The following FGD4 variants were observed in gnomAD, a reference collection of about 807,000 sequenced individuals.
The protein encoded by FGD4 is FYVE, RhoGEF and PH domain-containing protein 4.
Under a neutral mutation model 102.0 loss-of-function variants are expected in FGD4, and 42 were observed. That is an observed-to-expected ratio of 0.41 (90% CI 0.32 to 0.53). The LOEUF (loss-of-function observed/expected upper bound fraction) is 0.53. Among genes scored for constraint, FGD4 ranks in the 20% least tolerant of loss-of-function variants. FGD4 has a pLI of 0.21. For synonymous variants in FGD4, 380 were observed against 375.7 expected (o/e 1.01, Z -0.13); for missense variants, 902 against 1,078.2 (o/e 0.84, Z 2.29).
intron 1 of FGD4, among the ~76,000 whole-genome samples, chr12:32,552,808 G>A (rs898705118): frequency 2.1e-4 from 31 of 148,586 alleles, no homozygotes; most frequent in Non-Finnish European, 3.3e-4. Context: ...ACAGAGTTTC[G>A]CTCTTGTTGC....
Position 32,408,547 on chromosome 12 carries a change from C to T in FGD4, c.166+8588C>T, listed in dbSNP as rs2136390499. ...TGAATTCCTAGCTTCAAGTGATCCA[C>T]CTGCCTCGACCTCACCATCCTAGAT... On this transcript the variant is annotated intron_variant, in intron 1 of 16. Coordinates refer to ENST00000534526, the MANE Select transcript of FGD4 (RefSeq NM_001370298.3). 1.3e-5 allele frequency among the ~76,000 whole-genome samples: 2 copies of T among 152,236 alleles called. 1 individual carries two copies. Among genetic ancestry groups the T allele is most frequent in the South Asian group, 4.2e-4 (2 of 4,816 alleles).
chr12:32,516,106 A>G (rs1328986066), intron 1 of FGD4, among the ~76,000 whole-genome samples: 1 of 147,742 alleles, frequency 6.8e-6, no homozygotes, highest in African/African-American at 2.5e-5. Context: ...AACAACAACA[A>G]TTGGGGGGTG....
chr12:32,402,301 A>C (rs1297018020), intron 1 of FGD4, among the ~76,000 whole-genome samples: 1 of 151,370 alleles, frequency 6.6e-6, no homozygotes, highest in African/African-American at 2.4e-5. Flanking sequence ...TGTGGACTGA[A>C]GTGGGAGGAT....
At chr12:32,481,157 A>AAAAAG (rs1565767387) in intron 1 of FGD4, among the ~76,000 whole-genome samples, 1 of 148,006 alleles carries the variant, frequency 6.8e-6, no homozygotes, top group Non-Finnish European at 1.5e-5. Context: ...AAAAAAAAAA[A>AAAAAG]GCCGGGCGCA....
At chr12:32,422,023 A>G (rs1941645228) in intron 1 of FGD4, among the ~76,000 whole-genome samples, 1 of 151,486 alleles carries the variant, frequency 6.6e-6, no homozygotes, top group African/African-American at 2.4e-5. Flanking sequence ...GGGCACCTGT[A>G]GTCCCAGCTA....
At chr12:32,599,719 T>C (rs1948241923) in intron 5 of FGD4, among the ~76,000 whole-genome samples, 1 of 150,264 alleles carries the variant, frequency 6.7e-6, no homozygotes, top group South Asian at 2.1e-4. Flanking sequence ...CGGCTAATTT[T>C]TTCTGTCTTT....
intron 1 of FGD4, among the ~76,000 whole-genome samples, chr12:32,422,966 A>T (rs1941696234): frequency 6.6e-6 from 1 of 152,154 alleles, no homozygotes; most frequent in African/African-American, 2.4e-5. Flanking sequence ...TACTTTCTCC[A>T]AGTTCACATG....
chr12:32,619,924 T>C (rs1484387947), intron 11 of FGD4, 54 bp downstream of exon 11: 1 of 1,594,800 alleles, frequency 6.3e-7, no homozygotes, highest in Non-Finnish European at 8.6e-7. Flanking sequence ...ACAGAATGAA[T>C]CATTAAAATA....
chr12:32,639,659 C>T (rs1445636831), intron 16 of FGD4, among the ~76,000 whole-genome samples: 6 of 152,150 alleles, frequency 3.9e-5, no homozygotes, highest in African/African-American at 1.4e-4. Flanking sequence ...ACAAGAGCAG[C>T]ACCAGGTCCT....
At chr12:32,491,468 G>A (rs945112558) in intron 1 of FGD4, among the ~76,000 whole-genome samples, 15 of 152,192 alleles carry the variant, frequency 9.9e-5, no homozygotes, top group African/African-American at 3.4e-4. Context: ...TTGATTGTAT[G>A]ACATGGTACC....
chr12:32,416,349 A>G (rs560672460), intron 1 of FGD4, among the ~76,000 whole-genome samples: 23 of 152,246 alleles, frequency 1.5e-4, no homozygotes, highest in African/African-American at 5.5e-4. Flanking sequence ...AATCAGTGTT[A>G]TTATTGGTAG....
At chr12:32,410,006 C>CAA (rs35504493) in intron 1 of FGD4, among the ~76,000 whole-genome samples, 7 of 108,916 alleles carry the variant, frequency 6.4e-5, no homozygotes, top group African/African-American at 1.0e-4. Flanking sequence ...TCTTGTCTCT[C>CAA]AAAAAAAAAA....
chr12:32,621,116 T>G (rs1455308418), intron 11 of FGD4, among the ~76,000 whole-genome samples: 1 of 151,970 alleles, frequency 6.6e-6, no homozygotes, highest in African/African-American at 2.4e-5. Context: ...GGCTCACACC[T>G]GTAATCCCAA....
chr12:32,412,899 A>ATTTTTTTTTTTTTTTTTTTTT (rs869107334), intron 1 of FGD4, among the ~76,000 whole-genome samples: 1 of 87,020 alleles, frequency 1.1e-5, no homozygotes. Context: ...TTTTCTAGAA[A>ATTTTTTTTTTTTTTTTTTTTT]TTTTTTTTTT....
At chr12:32,466,206 C>T (rs993177211) in intron 1 of FGD4, among the ~76,000 whole-genome samples, 14 of 152,210 alleles carry the variant, frequency 9.2e-5, no homozygotes, top group African/African-American at 1.9e-4. Flanking sequence ...AAAAAGTTTG[C>T]GACTAGCTTT....
In FGD4 at chr12:32,576,363, G is replaced by A. The variant is rs1946127489; in HGVS notation, c.417G>A (p.Glu139=). The A allele has an allele frequency of 6.2e-7, 1 of 1,614,140 alleles. No homozygotes were observed. The highest frequency in any genetic ancestry group is 8.5e-7 in the Non-Finnish European group (1 of 1,180,038). The change falls in exon 3 of 17, where the codon GAG becomes GAA. Residue 139 remains glutamate (E), a synonymous_variant. Coordinates refer to ENST00000534526, the MANE Select transcript of FGD4 (RefSeq NM_001370298.3). ...KALPSAKPRM[E]EIKPASASCV... ...TACCTAGTGCAAAACCAAGGATGGA[G>A]GAAATTAAACCTGCCTCTGCTTCTT...
intron 1 of FGD4, among the ~76,000 whole-genome samples, chr12:32,408,036 G>A (rs1274189304): frequency 1.3e-5 from 2 of 151,118 alleles, no homozygotes; most frequent in African/African-American, 4.9e-5. Context: ...GCCTTGCTTT[G>A]TCGCCCAGGC....
Position 32,399,741 on chromosome 12 carries a change from C to T in FGD4, c.-53C>T, listed in dbSNP as rs1940567258. 1 of 1,515,206 alleles carries T rather than the reference C, an allele frequency of 6.6e-7. No individual in the cohort carries two copies. The highest frequency in any genetic ancestry group is 8.8e-7 in the Non-Finnish European group (1 of 1,139,386). The allele number at this position is 1,515,206 out of a possible 1,614,324, so 93.9% of individuals were successfully genotyped here. A position where few individuals can be genotyped will look rare whatever the true frequency, so the allele number is the denominator to read the frequency against. ...CAGGCGACGCCCCCCAGGGGCCGCTCGCGGCTGGACGGGAGCGGGAGGAGT... is the reference window on the plus strand; with the variant it reads ...CAGGCGACGCCCCCCAGGGGCCGCTTGCGGCTGGACGGGAGCGGGAGGAGT... On this transcript the variant is annotated 5_prime_UTR_variant, in exon 1 of 17. Transcript: ENST00000534526.
At chr12:32,408,544 C>T (rs1941053810) in intron 1 of FGD4, among the ~76,000 whole-genome samples, 1 of 152,150 alleles carries the variant, frequency 6.6e-6, no homozygotes, top group Non-Finnish European at 1.5e-5. Context: ...TTCAAGTGAT[C>T]CACCTGCCTC....
Sources: allele counts gnomAD v4.1 joint callset (sites outside exome capture counted in the v4.1 genomes callset), GRCh38; gene constraint gnomAD v4.1.1; transcripts MANE v1.5; gene names NCBI Gene and HGNC (gene_info 2026-07-23, HGNC 2026-07-21).